Variants in ARHGAP15 observed in about 807,000 individuals in gnomAD.
ARHGAP15 encodes Rho GTPase activating protein 15.
In ARHGAP15, 51 loss-of-function variants were observed where a neutral mutation model predicts 63.7. The observed-to-expected ratio is 0.80, with a 90% CI of 0.64 to 1.01. ARHGAP15 has a LOEUF of 1.01. ARHGAP15 is among the 50% of genes least tolerant of loss of function. ARHGAP15 has a pLI of 0.00. For missense variants in ARHGAP15, 560 were observed against 564.6 expected (o/e 0.99, Z 0.08); for synonymous variants, 191 against 193.8 (o/e 0.99, Z 0.12).
intron 4 of ARHGAP15, among the ~76,000 whole-genome samples, chr2:143,227,362 T>C (rs1055062932): frequency 2.6e-5 from 4 of 152,202 alleles, no homozygotes; most frequent in Non-Finnish European, 5.9e-5. Flanking sequence ...ATATGTATTT[T>C]GCGTCTATTC....
At chr2:143,654,723 T>A (rs1364286305) in intron 12 of ARHGAP15, among the ~76,000 whole-genome samples, 1 of 152,242 alleles carries the variant, frequency 6.6e-6, no homozygotes, top group African/African-American at 2.4e-5. Context: ...GTTTTTATTC[T>A]AAATCTGGCT....
chr2:143,234,308 A>T (rs1693557670), intron 5 of ARHGAP15, among the ~76,000 whole-genome samples: 1 of 152,038 alleles, frequency 6.6e-6, no homozygotes, highest in Non-Finnish European at 1.5e-5. Context: ...TGTGATTCTA[A>T]TATCTAAATT....
chr2:143,715,678 T>G (rs1200689706), intron 13 of ARHGAP15, among the ~76,000 whole-genome samples: 1 of 152,244 alleles, frequency 6.6e-6, no homozygotes, highest in Admixed American at 6.5e-5. Flanking sequence ...GGTTTTCTGT[T>G]CACTCTGATG....
intron 6 of ARHGAP15, among the ~76,000 whole-genome samples, chr2:143,385,857 T>C (rs1199413062): frequency 6.6e-6 from 1 of 152,164 alleles, no homozygotes; most frequent in Non-Finnish European, 1.5e-5. Flanking sequence ...TTCATATCTG[T>C]ATTAATATTA....
chr2:143,182,907 A>T (rs151090368), intron 2 of ARHGAP15, among the ~76,000 whole-genome samples: 1 of 152,308 alleles, frequency 6.6e-6, no homozygotes, highest in Admixed American at 6.5e-5. Flanking sequence ...CCCTTCAAGC[A>T]GCAGAGTGGT....
intron 4 of ARHGAP15, among the ~76,000 whole-genome samples, chr2:143,218,160 C>T (rs187569379): frequency 2.0e-5 from 3 of 152,020 alleles, no homozygotes; most frequent in Admixed American, 6.5e-5. Context: ...TCCTGTTTTC[C>T]GTGTTACAGT....
chr2:143,548,768 T>G lies in ARHGAP15; in HGVS notation c.926-7640T>G, dbSNP rs193289252. ...AAAGGAAAAATTGAAGGTATTTTGT[T>G]ATGACATTAAAAAGAAAAACTTGTT... On this transcript the variant is annotated intron_variant, in intron 10 of 13. Coordinates refer to ENST00000295095, the MANE Select transcript of ARHGAP15 (RefSeq NM_018460.4). Among the ~76,000 whole-genome samples the G allele has an allele frequency of 1.5e-4, 23 of 152,122 alleles. No individual in the cohort carries two copies. In the East Asian group the frequency reaches 3.7e-3, roughly 24 times the overall value.
intron 11 of ARHGAP15, among the ~76,000 whole-genome samples, chr2:143,585,965 T>C (rs1456316146): frequency 3.9e-5 from 6 of 152,178 alleles, no homozygotes; most frequent in African/African-American, 1.4e-4. Context: ...GAAAGAATCA[T>C]GGTTAGGCTA....
Position 143,768,127 on chromosome 2 carries a change from C to CA in ARHGAP15, c.1384dup (p.Met462AsnfsTer4), listed in dbSNP as rs1173840844. 6.2e-7 allele frequency: 1 copy of CA among 1,613,788 alleles called. No individual in the cohort carries two copies. The highest frequency in any genetic ancestry group is 8.5e-7 in the Non-Finnish European group (1 of 1,179,770). ...TCTACCAGAACCAGATAGCTGAGCT[C>CA]ATGCTGAGTGAGTACAGTAAGATCT... is the stretch of plus-strand genomic sequence containing the variant. On this transcript the variant is annotated frameshift_variant, in exon 14 of 14. Coordinates refer to ENST00000295095, the MANE Select transcript of ARHGAP15 (RefSeq NM_018460.4). LOFTEE classifies it high-confidence loss of function.
At position 143,262,869 on chromosome 2, in the gene ARHGAP15, T is replaced by C. The variant is rs576057285; in HGVS notation, c.474+12269T>C. On this transcript the variant is annotated intron_variant, in intron 6 of 13. Transcript: ENST00000295095. ...CTCTCCCGTATCCCAAGAATAAGAA[T>C]ATCTAATTCAGCAGAGCCAAAGTTG... 2.6e-5 allele frequency among the ~76,000 whole-genome samples: 4 copies of C among 152,212 alleles called. No individual in the cohort carries two copies. The South Asian group carries it at 8.3e-4, about 32-fold the overall frequency.
chr2:143,523,129 G>T (rs1694125144), intron 10 of ARHGAP15, among the ~76,000 whole-genome samples: 1 of 152,044 alleles, frequency 6.6e-6, no homozygotes, highest in African/African-American at 2.4e-5. Context: ...AATAAATATT[G>T]GTTAAATGAA....
chr2:143,766,787 C>T (rs1334837342), intron 13 of ARHGAP15: 1 of 152,200 alleles, frequency 6.6e-6, no homozygotes, highest in Admixed American at 6.5e-5. Context: ...TGGTTCGGTA[C>T]TATCCAAGGT....
intron 6 of ARHGAP15, among the ~76,000 whole-genome samples, chr2:143,386,525 G>T (rs1397107055): frequency 6.6e-6 from 1 of 152,030 alleles, no homozygotes; most frequent in Non-Finnish European, 1.5e-5. Context: ...GGCTCTTCAG[G>T]TAAAGCAAAA....
intron 12 of ARHGAP15, among the ~76,000 whole-genome samples, chr2:143,647,018 G>A (rs1680911327): frequency 6.6e-6 from 1 of 151,932 alleles, no homozygotes; most frequent in African/African-American, 2.4e-5. Flanking sequence ...CTGGATGTGA[G>A]AGTTGGTCAA....
At position 143,216,386 on chromosome 2, in the gene ARHGAP15, G is replaced by A; in HGVS notation, c.237G>A (p.Met79Ile). 2.5e-6 allele frequency: 4 copies of A among 1,609,946 alleles called. No individual in the cohort carries two copies. Among genetic ancestry groups the A allele is most frequent in the Non-Finnish European group, 3.4e-6 (4 of 1,177,930 alleles). ...TAACATATGCATTCTTCTTGCAGATGGTTGAAAAAGAAGGTTATCTGCAAA... is the reference window on the plus strand; with the variant it reads ...TAACATATGCATTCTTCTTGCAGATAGTTGAAAAAGAAGGTTATCTGCAAA... ...KDVIPPLEQL[M>I]VEKEGYLQKA... Residue 79 changes from methionine (M) to isoleucine (I), a missense_variant and splice_region_variant, in exon 4 of 14, where the codon ATG becomes ATA. Coordinates refer to ENST00000295095, the MANE Select transcript of ARHGAP15 (RefSeq NM_018460.4).
At chr2:143,663,219 G>A (rs1406456858) in intron 12 of ARHGAP15, among the ~76,000 whole-genome samples, 10 of 141,578 alleles carry the variant, frequency 7.1e-5, no homozygotes, top group Middle Eastern at 3.7e-3. Context: ...CGGATCTCTC[G>A]GCAGAAACCC....
At chr2:143,216,546 C>G in intron 4 of ARHGAP15, 101 bp downstream of exon 4, 1 of 764,130 alleles carries the variant, frequency 1.3e-6, no homozygotes, top group Non-Finnish European at 2.2e-6. Flanking sequence ...CCTATGGTAC[C>G]AGACTAGAAC....
At chr2:143,293,460 A>C (rs1295745277) in intron 6 of ARHGAP15, among the ~76,000 whole-genome samples, 4 of 152,156 alleles carry the variant, frequency 2.6e-5, no homozygotes. Context: ...CATGGTCTGC[A>C]CATCTCCATT....
At chr2:143,352,211 T>C (rs1470063069) in intron 6 of ARHGAP15, among the ~76,000 whole-genome samples, 1 of 152,170 alleles carries the variant, frequency 6.6e-6, no homozygotes, top group African/African-American at 2.4e-5. Flanking sequence ...TTATGATATA[T>C]TTTCCGGGGA....
Sources: allele counts gnomAD v4.1 joint callset (sites outside exome capture counted in the v4.1 genomes callset), GRCh38; gene constraint gnomAD v4.1.1; transcripts MANE v1.5; gene names NCBI Gene and HGNC (gene_info 2026-07-23, HGNC 2026-07-21).